USP13: variants seen among roughly 807,000 people sequenced by gnomAD.
USP13 encodes ubiquitin carboxyl-terminal hydrolase 13.
Under a neutral mutation model 107.8 loss-of-function variants are expected in USP13, and 68 were observed. The ratio of observed to expected loss-of-function variants is 0.63; its 90% confidence interval spans 0.52 to 0.77. USP13 has a LOEUF of 0.77. Ranked by LOEUF, USP13 falls within the 30% of genes least tolerant of loss-of-function variation. The probability of loss-of-function intolerance (pLI) is 0.00; values close to 1 mark genes in which losing one functional copy is unlikely to be tolerated. For synonymous variants in USP13, 377 were observed against 389.5 expected, an observed-to-expected ratio of 0.97 and a Z score of 0.38; for missense variants, 945 against 1,093.3, an observed-to-expected ratio of 0.86 and a Z score of 1.91.
At chr3:179,693,300 C>T (rs1054125963) in intron 3 of USP13, among the ~76,000 whole-genome samples, 1 of 152,040 alleles carries the variant, frequency 6.6e-6, no homozygotes, top group African/African-American at 2.4e-5. Context: ...AGGCACACAC[C>T]ACCACACATG....
chr3:179,779,872 A>T (rs548774200), intron 19 of USP13, among the ~76,000 whole-genome samples: 7 of 152,304 alleles, frequency 4.6e-5, no homozygotes, highest in African/African-American at 1.4e-4. Context: ...GGTGACTTGG[A>T]TGAGGGGCTA....
At chr3:179,747,734 A>G (rs532569424) in intron 13 of USP13, among the ~76,000 whole-genome samples, 1 of 152,128 alleles carries the variant, frequency 6.6e-6, no homozygotes, top group Non-Finnish European at 1.5e-5. Context: ...TCCTGGGGCA[A>G]AGTCACCGCC....
At chr3:179,727,874 G>A (rs1182732100) in intron 8 of USP13, among the ~76,000 whole-genome samples, 1 of 78,922 alleles carries the variant, frequency 1.3e-5, no homozygotes, top group South Asian at 4.7e-4. Flanking sequence ...AGGGGCGGCC[G>A]GGCAGAGGCG....
chr3:179,745,070 G>A lies in USP13; in HGVS notation c.1562G>A (p.Arg521Lys). 1 of 1,614,186 alleles carries A rather than the reference G, an allele frequency of 6.2e-7. No individual in the cohort carries two copies. Among genetic ancestry groups the A allele is most frequent in the South Asian group, 1.1e-5 (1 of 91,082 alleles). Residue 521 changes from arginine to lysine, a missense_variant, in exon 13 of 21, where the codon AGA becomes AAA. By Grantham distance (26) the Arg-to-Lys change is conservative (BLOSUM62 2). Coordinates refer to ENST00000263966, the MANE Select transcript of USP13 (RefSeq NM_003940.3). ...KDELIAYELT[R>K]REAEANRRPL... Reference sequence around the variant, plus strand: ...GAACTGATCGCTTATGAACTAACGAGAAGGGAAGCAGAAGCAAACAGAAGA... The same window carrying A: ...GAACTGATCGCTTATGAACTAACGAAAAGGGAAGCAGAAGCAAACAGAAGA...
chr3:179,727,487 G>C (rs2108500345), intron 8 of USP13, among the ~76,000 whole-genome samples: 1 of 112,870 alleles, frequency 8.9e-6, no homozygotes, highest in African/African-American at 3.1e-5. Context: ...TTGGGGGTAA[G>C]GTCACAGATC....
intron 6 of USP13, among the ~76,000 whole-genome samples, chr3:179,710,274 G>A (rs1712875078): frequency 1.3e-5 from 2 of 152,212 alleles, no homozygotes; most frequent in South Asian, 4.1e-4. Context: ...GTTATTCAAT[G>A]AGTGGGTGTT....
Position 179,691,153 on chromosome 3 carries a change from C to A in USP13, c.355+852C>A, listed in dbSNP as rs139925304. On this transcript the variant is annotated intron_variant, in intron 3 of 20. Transcript: ENST00000263966. ...CTGCACTCCAGCCTGGGTGACAGAG[C>A]GGGATCCTGTCTTTAAAAAAAAAAA... Among the ~76,000 whole-genome samples, 7 of 135,908 alleles carry A rather than the reference C, an allele frequency of 5.2e-5. No individual in the cohort carries two copies. In the Admixed American group the frequency reaches 5.6e-4, roughly 11 times the overall value. The allele number at this position is 135,908 out of a possible 152,430, so 89.2% of individuals were successfully genotyped here. A position where few individuals can be genotyped will look rare whatever the true frequency, so the allele number is the denominator to read the frequency against.
At chr3:179,684,761 GTTTA>G (rs1388753136) in intron 2 of USP13, among the ~76,000 whole-genome samples, 6 of 121,198 alleles carry the variant, frequency 5.0e-5, no homozygotes, top group Non-Finnish European at 1.0e-4. Context: ...CTTTTTCCAT[GTTTA>G]TTTATTTTTC....
At chr3:179,744,970 G>T (rs1714345261) in intron 12 of USP13, 73 bp from the exon 13 acceptor site, 1 of 1,580,762 alleles carries the variant, frequency 6.3e-7, no homozygotes, top group Non-Finnish European at 8.6e-7. Flanking sequence ...AGGGAAGACT[G>T]TCCAAAGAGG....
intron 8 of USP13, among the ~76,000 whole-genome samples, chr3:179,728,025 GA>G (rs1347662486): frequency 1.9e-5 from 1 of 51,998 alleles, no homozygotes; most frequent in African/African-American, 6.1e-5. Context: ...GTGGGGGGCT[GA>G]TCCCCACCAC....
At chr3:179,656,262 A>G (rs1720257872) in intron 1 of USP13, among the ~76,000 whole-genome samples, 2 of 152,234 alleles carry the variant, frequency 1.3e-5, no homozygotes, top group African/African-American at 2.4e-5. Flanking sequence ...CCAAGTAGAG[A>G]GTAGATGATG....
At chr3:179,749,516 AAACTGC>A (rs1714522952) in intron 13 of USP13, among the ~76,000 whole-genome samples, 1 of 152,238 alleles carries the variant, frequency 6.6e-6, no homozygotes, top group African/African-American at 2.4e-5. Flanking sequence ...TGATGTCCCC[AAACTGC>A]AATAAATGAA....
intron 16 of USP13, among the ~76,000 whole-genome samples, chr3:179,758,976 G>A (rs1331124559): frequency 3.3e-5 from 5 of 151,450 alleles, no homozygotes; most frequent in Non-Finnish European, 5.9e-5. Flanking sequence ...TCACAAAAAT[G>A]GAATTACACA....
chr3:179,673,934 C>A (rs1281614833), intron 1 of USP13, among the ~76,000 whole-genome samples: 1 of 152,142 alleles, frequency 6.6e-6, no homozygotes, highest in Non-Finnish European at 1.5e-5. Context: ...CTCTTGTTGC[C>A]CAGGCTGGAG....
At chr3:179,754,250 A>G (rs1254905658) in intron 14 of USP13, among the ~76,000 whole-genome samples, 1 of 152,238 alleles carries the variant, frequency 6.6e-6, no homozygotes, top group Non-Finnish European at 1.5e-5. Flanking sequence ...AACAAGGAGC[A>G]GTGGGGTCTG....
At chr3:179,674,970 T>C (rs1315802714) in intron 1 of USP13, among the ~76,000 whole-genome samples, 2 of 152,164 alleles carry the variant, frequency 1.3e-5, no homozygotes, top group African/African-American at 4.8e-5. Context: ...GGTCAGGAGA[T>C]TGAGACCATC....
chr3:179,659,230 A>G (rs1414291931), intron 1 of USP13, among the ~76,000 whole-genome samples: 1 of 152,180 alleles, frequency 6.6e-6, no homozygotes, highest in Non-Finnish European at 1.5e-5. Flanking sequence ...TGAGATCTCC[A>G]TCTACTTGTG....
intron 19 of USP13, among the ~76,000 whole-genome samples, chr3:179,776,997 A>G (rs551085059): frequency 6.7e-6 from 1 of 149,826 alleles, no homozygotes; most frequent in South Asian, 2.1e-4. Flanking sequence ...TTACCTGTTT[A>G]GTTTTTGAAA....
At chr3:179,657,757 C>T (rs1412707765) in intron 1 of USP13, among the ~76,000 whole-genome samples, 15 of 97,332 alleles carry the variant, frequency 1.5e-4, no homozygotes, top group South Asian at 3.9e-4. Context: ...AGGGGAATTC[C>T]GTCTCAAAAA....
Sources: gnomAD v4.1 joint callset for allele counts (sites outside exome capture counted in the v4.1 genomes callset) on GRCh38, gnomAD v4.1.1 for gene constraint, MANE v1.5 for transcripts, NCBI Gene and HGNC (gene_info 2026-07-23, HGNC 2026-07-21) for gene names.